Variants in SIRPB2 observed in about 807,000 individuals in gnomAD.
SIRPB2 encodes the protein signal-regulatory protein beta-2.
A neutral mutation model predicts 27.1 loss-of-function variants in SIRPB2; 18 were observed. That is an observed-to-expected ratio of 0.66 (90% CI 0.46 to 0.98). The LOEUF (loss-of-function observed/expected upper bound fraction) is 0.98. SIRPB2 is among the 50% of genes least tolerant of loss of function. The pLI is 0.00. For synonymous variants in SIRPB2, 150 were observed against 164.6 expected (o/e 0.91, Z 0.68); for missense variants, 420 against 417.4 (o/e 1.01, Z -0.06).
At chr20:1,487,600 T>A (rs956221355) in intron 1 of SIRPB2, among the ~76,000 whole-genome samples, 1 of 152,254 alleles carries the variant, frequency 6.6e-6, no homozygotes, top group Non-Finnish European at 1.5e-5. Context: ...TGGAACTGAA[T>A]AGAGAGTCTA....
At chr20:1,476,935 C>T in intron 4 of SIRPB2, 1 of 1,185,242 alleles carries the variant, frequency 8.4e-7, no homozygotes, top group East Asian at 6.0e-5. Flanking sequence ...CCCGCTAGTT[C>T]ATAGAGTCAG....
Position 1,476,625 on chromosome 20 carries a change from A to G in SIRPB2, c.860-289T>C, listed in dbSNP as rs1016405972. On this transcript the variant is annotated intron_variant, in intron 4 of 4. Coordinates refer to ENST00000359801, the MANE Select transcript of SIRPB2 (RefSeq NM_001122962.2). ...TCAAGGTAATCCTACAGTGTAGGAT[A>G]GTGATCCAATTTTTATAGATAAGGA... is the stretch of plus-strand genomic sequence containing the variant. The G allele has an allele frequency of 8.5e-6, 6 of 709,096 alleles. No homozygotes were observed. The Admixed American group carries it at 2.5e-4, about 30-fold the overall frequency. The allele number at this position is 709,096 out of a possible 1,614,324, so 43.9% of individuals were successfully genotyped here.
At chr20:1,479,002 T>C (rs989938049) in intron 2 of SIRPB2, 8 of 186,520 alleles carry the variant, frequency 4.3e-5, no homozygotes, top group African/African-American at 1.9e-4. Flanking sequence ...AACTCCCACG[T>C]ACAGATACTC....
rs1401418242 is a variant in SIRPB2, at chr20:1,476,239, C to T, written c.957G>A (p.Gly319=). ...GGCCTGTGGTCTTGACATCTTCTTG[C>T]CCAGGGCTCCTCCGAGAGGTAGCCA... ...LALATSRRSP[G]QEDVKTTGPA... Residue 319 remains glycine, a synonymous_variant, in exon 5 of 5, where the codon GGG becomes GGA. Coordinates refer to ENST00000359801, the MANE Select transcript of SIRPB2 (RefSeq NM_001122962.2). 6.2e-7 allele frequency: 1 copy of T among 1,613,978 alleles called. No individual in the cohort carries two copies. Among genetic ancestry groups the T allele is most frequent in the Admixed American group, 1.7e-5 (1 of 59,990 alleles).
intron 1 of SIRPB2, among the ~76,000 whole-genome samples, chr20:1,485,870 C>T (rs116328840): frequency 0.011 from 1,621 of 152,072 alleles, 33 homozygotes; most frequent in African/African-American, 0.038. Flanking sequence ...TCAAGTCATA[C>T]ATATTTGACA....
chr20:1,476,998 T>C, intron 4 of SIRPB2: 1 of 1,254,826 alleles, frequency 8.0e-7, no homozygotes, highest in Admixed American at 3.3e-5. Context: ...AGGGGCTCCA[T>C]CCAGGAGGCT....
chr20:1,479,660 G>A, intron 2 of SIRPB2, 40 bp downstream of exon 2: 2 of 1,600,980 alleles, frequency 1.2e-6, no homozygotes, highest in Non-Finnish European at 1.7e-6. Flanking sequence ...CAGGGAAACA[G>A]ACTGGAGCAA....
At chr20:1,480,167 C>A in intron 1 of SIRPB2, 102 bp from the exon 2 acceptor site, 1 of 1,422,696 alleles carries the variant, frequency 7.0e-7, no homozygotes, top group Non-Finnish European at 9.3e-7. Flanking sequence ...AGAACAATGG[C>A]CCAGGATAAG....
intron 1 of SIRPB2, chr20:1,480,339 G>C (rs2090658484): frequency 5.2e-6 from 2 of 383,968 alleles, no homozygotes; most frequent in Admixed American, 8.4e-5. Flanking sequence ...TCTTCACAAT[G>C]CTTCTGTAAG....
intron 1 of SIRPB2, among the ~76,000 whole-genome samples, chr20:1,489,059 A>G (rs1255482681): frequency 1.3e-5 from 2 of 152,234 alleles, no homozygotes; most frequent in African/African-American, 2.4e-5. Flanking sequence ...AACAACATGA[A>G]TGAATCTCAA....
chr20:1,484,112 A>G (rs1241971246), intron 1 of SIRPB2, among the ~76,000 whole-genome samples: 1 of 152,234 alleles, frequency 6.6e-6, no homozygotes, highest in Admixed American at 6.5e-5. Flanking sequence ...ATACACATTC[A>G]ATAAATGGTG....
chr20:1,476,831 A>T, intron 4 of SIRPB2: 1 of 1,068,386 alleles, frequency 9.4e-7, no homozygotes, highest in South Asian at 2.8e-5. Flanking sequence ...TTAACATGAG[A>T]TGTGCTAGGC....
intron 1 of SIRPB2, among the ~76,000 whole-genome samples, chr20:1,486,773 T>A (rs924728334): frequency 6.6e-6 from 1 of 152,182 alleles, no homozygotes; most frequent in East Asian, 1.9e-4. Flanking sequence ...GTTTTCAAAC[T>A]TGAACATGCA....
chr20:1,488,314 G>A (rs2090746342), intron 1 of SIRPB2, among the ~76,000 whole-genome samples: 1 of 152,162 alleles, frequency 6.6e-6, no homozygotes, highest in Admixed American at 6.5e-5. Flanking sequence ...TGTAAAAAAT[G>A]TTCAGCATCA....
In SIRPB2 at chr20:1,478,469, G is replaced by T; in HGVS notation, c.590C>A (p.Ala197Asp). The part of the protein sequence containing the change: ...PPGPIRWFQG[A>D]GLSREAIYNF... ...GTAAATGGCCTCCCGGCTCAGACCA[G>T]CTCCCTGGAACCACCTGATGGGTCC... The change falls in exon 3 of 5, where the codon GCT (alanine) becomes GAT (aspartate). Residue 197 changes from alanine (A) to aspartate (D), a missense_variant. Ala to Asp is a moderately radical substitution (Grantham distance 126, BLOSUM62 -2). Coordinates refer to ENST00000359801, the MANE Select transcript of SIRPB2 (RefSeq NM_001122962.2). 4 of 1,614,180 alleles carry T rather than the reference G, an allele frequency of 2.5e-6. No homozygotes were observed. Among genetic ancestry groups the T allele is most frequent in the Non-Finnish European group, 3.4e-6 (4 of 1,180,030 alleles).
chr20:1,480,290 T>C, intron 1 of SIRPB2: 1 of 563,090 alleles, frequency 1.8e-6, no homozygotes, highest in Non-Finnish European at 3.1e-6. Context: ...ACTCAAGTGC[T>C]CACCGTGTGC....
chr20:1,490,483 A>G (rs1403674379), intron 1 of SIRPB2, among the ~76,000 whole-genome samples: 2 of 152,202 alleles, frequency 1.3e-5, no homozygotes, highest in African/African-American at 2.4e-5. Context: ...CTATATATTC[A>G]GGGGTCTCAA....
downstream of SIRPB2, among the ~76,000 whole-genome samples, chr20:1,474,098 T>G (rs1022271092): frequency 1.3e-5 from 2 of 152,204 alleles, no homozygotes; most frequent in African/African-American, 4.8e-5. Flanking sequence ...CGAAGATCCA[T>G]CCGTGTCTCT....
chr20:1,484,867 A>G (rs1220968684), intron 1 of SIRPB2, among the ~76,000 whole-genome samples: 7 of 152,228 alleles, frequency 4.6e-5, no homozygotes, highest in Non-Finnish European at 8.8e-5. Flanking sequence ...TCACCCAGCA[A>G]TACCACTACT....
Sources: allele counts gnomAD v4.1 joint callset (sites outside exome capture counted in the v4.1 genomes callset), GRCh38; gene constraint gnomAD v4.1.1; transcripts MANE v1.5; gene names NCBI Gene and HGNC (gene_info 2026-07-23, HGNC 2026-07-21).